Variants in SPICE1 observed in about 807,000 individuals in gnomAD.
SPICE1 encodes the protein spindle and centriole-associated protein 1.
In SPICE1, 75 loss-of-function variants were observed where a neutral mutation model predicts 102.7. That is an observed-to-expected ratio of 0.73 (90% CI 0.61 to 0.88). The LOEUF (loss-of-function observed/expected upper bound fraction) is 0.88, where lower values mean the gene tolerates loss of function less well. Ranked by LOEUF, SPICE1 falls within the 40% of genes least tolerant of loss-of-function variation. The pLI, the probability that SPICE1 is intolerant of heterozygous loss-of-function variation, is 0.00. For synonymous variants in SPICE1, 308 were observed against 350.3 expected (o/e 0.88, Z 1.35); for missense variants, 979 against 1,020.1 (o/e 0.96, Z 0.55).
rs924277229 is a variant in SPICE1, at chr3:113,458,810, G to A, written c.1436-1453C>T. On this transcript the variant is annotated intron_variant, in intron 12 of 17. Transcript: ENST00000295872. ...GCCCATCGTCTGGGATGTGGGGAGC[G>A]TCTCTGCCCCGCTGCCCCGTCTGAG... 6.1e-5 allele frequency among the ~76,000 whole-genome samples: 9 copies of A among 148,608 alleles called. No homozygotes were observed. In the South Asian group the frequency reaches 6.4e-4, roughly 11 times the overall value.
rs980015073 is a variant in SPICE1 at position 113,446,571 on chromosome 3, T to C, written c.2514+18A>G. 4 of 1,600,154 alleles carry C rather than the reference T, an allele frequency of 2.5e-6. No homozygotes were observed. The highest frequency in any genetic ancestry group is 3.4e-6 in the Non-Finnish European group (4 of 1,168,650). On this transcript the variant is annotated intron_variant, in intron 17 of 17. Transcript: ENST00000295872. ...CCTCACCCCTATATGCATTTCACAA[T>C]TACATTTTAACGTGTACCTTTGCTC... is the stretch of plus-strand genomic sequence containing the variant.
intron 13 of SPICE1, 110 bp from the exon 14 acceptor site, chr3:113,454,060 G>T (rs66730375): frequency 9.3e-7 from 1 of 1,074,810 alleles, no homozygotes; most frequent in African/African-American, 1.6e-5. Context: ...TCAGTAGAAG[G>T]GTTTGGCTTC....
chr3:113,474,328 C>T (rs1019326036), intron 7 of SPICE1, among the ~76,000 whole-genome samples: 7 of 152,078 alleles, frequency 4.6e-5, no homozygotes, highest in African/African-American at 1.7e-4. Flanking sequence ...ACTCCCACAC[C>T]TTAATAATGG....
intron 10 of SPICE1, among the ~76,000 whole-genome samples, chr3:113,466,608 C>G (rs373217159): frequency 9.9e-6 from 1 of 101,488 alleles, no homozygotes; most frequent in Non-Finnish European, 2.1e-5. Flanking sequence ...GACTCTGTCT[C>G]AAAAAAAAAA....
intron 12 of SPICE1, among the ~76,000 whole-genome samples, chr3:113,458,912 G>A (rs1418219284): frequency 1.3e-5 from 2 of 152,220 alleles, no homozygotes; most frequent in Non-Finnish European, 2.9e-5. Flanking sequence ...CCCCGTCTGG[G>A]AGGTGTACCC....
chr3:113,489,105 T>C, intron 6 of SPICE1, 42 bp from the exon 7 acceptor site: 1 of 1,272,036 alleles, frequency 7.9e-7, no homozygotes, highest in Non-Finnish European at 1.1e-6. Flanking sequence ...GTTGATTATA[T>C]ATATACTCAG....
At chr3:113,446,367 G>A (rs1935513542) in intron 17 of SPICE1, among the ~76,000 whole-genome samples, 1 of 152,182 alleles carries the variant, frequency 6.6e-6, no homozygotes, top group Non-Finnish European at 1.5e-5. Context: ...AAGGACTGTT[G>A]AATATCCTAT....
intron 11 of SPICE1, among the ~76,000 whole-genome samples, chr3:113,463,086 A>ATGTG (rs1935970374): frequency 6.6e-6 from 1 of 151,940 alleles, no homozygotes. Flanking sequence ...TCAGCTACCC[A>ATGTG]CATGCTCACT....
At chr3:113,508,040 G>A (rs977109633) in intron 1 of SPICE1, among the ~76,000 whole-genome samples, 3 of 152,144 alleles carry the variant, frequency 2.0e-5, no homozygotes, top group Non-Finnish European at 4.4e-5. Context: ...GGAAAGAATA[G>A]TCTTTTCAAC....
At chr3:113,484,107 G>T (rs1475839439) in intron 7 of SPICE1, among the ~76,000 whole-genome samples, 1 of 152,172 alleles carries the variant, frequency 6.6e-6, no homozygotes, top group Non-Finnish European at 1.5e-5. Context: ...AGACTTGGGA[G>T]GGTGTATGTG....
At chr3:113,493,723 G>C (rs779809825) in intron 5 of SPICE1, among the ~76,000 whole-genome samples, 2 of 152,190 alleles carry the variant, frequency 1.3e-5, no homozygotes, top group Non-Finnish European at 2.9e-5. Context: ...CTCTTAGAGA[G>C]AGACTGAAGT....
At position 113,453,896 on chromosome 3, in the gene SPICE1, T is replaced by G; in HGVS notation, c.1712A>C (p.Glu571Ala). ...RPAPRLPPTV[E>A]IIEKEQNWEE... Reference sequence around the variant, plus strand: ...CCAATTTTGTTCCTTCTCAATTATTTCCACAGTTGGAGGAAGTCGTGGAGC... The same window carrying G: ...CCAATTTTGTTCCTTCTCAATTATTGCCACAGTTGGAGGAAGTCGTGGAGC... The change falls in exon 14 of 18, where the codon GAA (glutamate) becomes GCA (alanine). Residue 571 changes from glutamate to alanine, a missense_variant. By Grantham distance (107) the Glu-to-Ala change is moderately radical. Coordinates refer to ENST00000295872, the MANE Select transcript of SPICE1 (RefSeq NM_144718.4). The G allele has an allele frequency of 1.1e-5, 17 of 1,614,180 alleles. No individual in the cohort carries two copies. Among genetic ancestry groups the G allele is most frequent in the Non-Finnish European group, 1.4e-5 (17 of 1,180,012 alleles).
At position 113,453,529 on chromosome 3, in the gene SPICE1, T is replaced by A. The variant is rs370371662; in HGVS notation, c.2079A>T (p.Arg693Ser). The A allele has an allele frequency of 3.0e-5, 49 of 1,614,114 alleles. No homozygotes were observed. In the South Asian group the frequency reaches 4.9e-4, roughly 16 times the overall value. The change falls in exon 14 of 18, where the codon AGA becomes AGT. Residue 693 changes from arginine to serine, a missense_variant. Physicochemically the swap from Arg to Ser is moderately radical, Grantham distance 110. Coordinates refer to ENST00000295872, the MANE Select transcript of SPICE1 (RefSeq NM_144718.4). The part of the protein sequence containing the change: ...KAHMNNIIEP[R>S]GEQGDGLREL... ...CCCGGAGTCCATCCCCTTGCTCTCC[T>A]CTGGGCTCAATAATATTATTCATAT...
intron 2 of SPICE1, among the ~76,000 whole-genome samples, chr3:113,503,583 T>C (rs1224846443): frequency 6.6e-6 from 1 of 152,162 alleles, no homozygotes; most frequent in Non-Finnish European, 1.5e-5. Context: ...GTTTTCACAC[T>C]GTAGTCTATG....
At chr3:113,514,240 C>T (rs1937280052) in intron 1 of SPICE1, among the ~76,000 whole-genome samples, 1 of 152,166 alleles carries the variant, frequency 6.6e-6, no homozygotes, top group Non-Finnish European at 1.5e-5. Flanking sequence ...CACCTAAGAC[C>T]ATAGGAAACC....
intron 17 of SPICE1, among the ~76,000 whole-genome samples, 175 bp downstream of exon 17, chr3:113,446,414 A>G (rs1449813384): frequency 6.6e-6 from 1 of 152,254 alleles, no homozygotes; most frequent in Non-Finnish European, 1.5e-5. Context: ...CCTAGAAAAC[A>G]GAAGAAGTAT....
At chr3:113,445,681 A>G (rs1481560800) in intron 17 of SPICE1, among the ~76,000 whole-genome samples, 1 of 152,228 alleles carries the variant, frequency 6.6e-6, no homozygotes, top group African/African-American at 2.4e-5. Flanking sequence ...ATGCTACTAA[A>G]TTCCAGGAAC....
At chr3:113,508,309 C>T (rs755797686) in intron 1 of SPICE1, among the ~76,000 whole-genome samples, 35 of 152,072 alleles carry the variant, frequency 2.3e-4, no homozygotes, top group Non-Finnish European at 4.0e-4. Context: ...TTTTGTGCTT[C>T]GAAGGCACAA....
chr3:113,493,110 T>C (rs3732803), intron 6 of SPICE1, 96 bp downstream of exon 6: 156,354 of 857,086 alleles, frequency 0.18, 15,265 homozygotes, highest in African/African-American at 0.27. Flanking sequence ...CTAGCACTTG[T>C]TGATATTTAA....
Sources: gnomAD v4.1 joint callset for allele counts (sites outside exome capture counted in the v4.1 genomes callset) on GRCh38, gnomAD v4.1.1 for gene constraint, MANE v1.5 for transcripts, NCBI Gene and HGNC (gene_info 2026-07-23, HGNC 2026-07-21) for gene names.